PCSK6: variants seen among roughly 807,000 people sequenced by gnomAD.
PCSK6 encodes paired basic amino acid cleaving enzyme 4.
In PCSK6, 85 loss-of-function variants were observed where a neutral mutation model predicts 123.3. The ratio of observed to expected loss-of-function variants is 0.69; its 90% confidence interval spans 0.58 to 0.83. The LOEUF (loss-of-function observed/expected upper bound fraction) is 0.83, where lower values mean the gene tolerates loss of function less well. PCSK6 is among the 40% of genes least tolerant of loss of function. PCSK6 has a pLI of 0.00. For synonymous variants in PCSK6, 508 were observed against 516.0 expected, an observed-to-expected ratio of 0.98 and a Z score of 0.21; for missense variants, 1,191 against 1,282.3, an observed-to-expected ratio of 0.93 and a Z score of 1.09.
At chr15:101,473,231 C>A (rs1334415965) in intron 1 of PCSK6, among the ~76,000 whole-genome samples, 1 of 151,968 alleles carries the variant, frequency 6.6e-6, no homozygotes, top group East Asian at 1.9e-4. Flanking sequence ...CACATGCCAC[C>A]ATGACTGGCT....
intron 6 of PCSK6, among the ~76,000 whole-genome samples, chr15:101,422,910 C>A (rs1191409339): frequency 6.6e-6 from 1 of 152,166 alleles, no homozygotes; most frequent in African/African-American, 2.4e-5. Context: ...CGTGAGCCAC[C>A]GCGCCTGGCC....
intron 1 of PCSK6, among the ~76,000 whole-genome samples, chr15:101,471,097 C>T (rs1373968398): frequency 2.0e-5 from 3 of 152,120 alleles, no homozygotes; most frequent in Non-Finnish European, 4.4e-5. Flanking sequence ...AAGCTTCTCC[C>T]TGGGGCTGAA....
At chr15:101,376,014 A>C (rs528530381) in intron 11 of PCSK6, among the ~76,000 whole-genome samples, 1 of 152,264 alleles carries the variant, frequency 6.6e-6, no homozygotes, top group South Asian at 2.1e-4. Context: ...AGCCTGGGTA[A>C]CAGAGTGAGA....
intron 13 of PCSK6, among the ~76,000 whole-genome samples, chr15:101,354,403 T>C (rs2040982601): frequency 6.6e-6 from 1 of 152,242 alleles, no homozygotes; most frequent in South Asian, 2.1e-4. Flanking sequence ...AGTAACTGTC[T>C]AGAGCACCTT....
At chr15:101,373,154 C>A (rs560492925) in intron 11 of PCSK6, among the ~76,000 whole-genome samples, 1 of 152,262 alleles carries the variant, frequency 6.6e-6, no homozygotes, top group East Asian at 1.9e-4. Context: ...GGACTCCAGC[C>A]GCTGCATAAA....
At chr15:101,370,605 C>T in intron 11 of PCSK6, 82 bp from the exon 12 acceptor site, 1 of 1,280,780 alleles carries the variant, frequency 7.8e-7, no homozygotes, top group Non-Finnish European at 1.0e-6. Flanking sequence ...AGCGCCCGTC[C>T]ACTCTATCCC....
At chr15:101,336,092 G>A (rs1296952115) in intron 13 of PCSK6, among the ~76,000 whole-genome samples, 3 of 152,220 alleles carry the variant, frequency 2.0e-5, no homozygotes, top group South Asian at 4.1e-4. Flanking sequence ...TACACAAATA[G>A]TGCTCTATCC....
At chr15:101,330,468 G>A (rs924549269) in intron 15 of PCSK6, among the ~76,000 whole-genome samples, 5 of 152,114 alleles carry the variant, frequency 3.3e-5, no homozygotes, top group East Asian at 1.9e-4. Flanking sequence ...AACGTGGCTC[G>A]TCCTCCTCCT....
intron 1 of PCSK6, among the ~76,000 whole-genome samples, chr15:101,470,166 G>A (rs575451738): frequency 7.2e-5 from 11 of 152,260 alleles, no homozygotes; most frequent in South Asian, 2.1e-4. Flanking sequence ...CAAGGCAGGC[G>A]AATTATGCCT....
At chr15:101,387,039 C>T (rs2042084673) in intron 9 of PCSK6, among the ~76,000 whole-genome samples, 2 of 152,196 alleles carry the variant, frequency 1.3e-5, no homozygotes, top group African/African-American at 4.8e-5. Flanking sequence ...CTCCAGGCTC[C>T]AGCCCTGGCC....
chr15:101,305,369 T>C lies in PCSK6; in HGVS notation c.2813-14A>G. 6.2e-7 allele frequency: 1 copy of C among 1,607,764 alleles called. No individual in the cohort carries two copies. Reference sequence around the variant, plus strand: ...ATGTCTCGTCAGCTGGGGCCCCGCATCAGGAAAGGCAAAAGAGGGAAAGGT... The same window carrying C: ...ATGTCTCGTCAGCTGGGGCCCCGCACCAGGAAAGGCAAAAGAGGGAAAGGT... On this transcript the variant is annotated splice_polypyrimidine_tract_variant and intron_variant, in intron 21 of 21. Transcript: ENST00000611716. This position sits in a 1 kb window ranked among gnomAD's most constrained non-coding sequence, Gnocchi z 4.8.
chr15:101,307,006 T>C (rs374409852), intron 21 of PCSK6, among the ~76,000 whole-genome samples: 35 of 152,318 alleles, frequency 2.3e-4, no homozygotes, highest in African/African-American at 7.9e-4. Context: ...CTCTGATCGA[T>C]GTGAGAGGCC....
intron 19 of PCSK6, among the ~76,000 whole-genome samples, chr15:101,316,954 G>GGCT (rs1429070929): frequency 7.4e-6 from 1 of 135,152 alleles, no homozygotes; most frequent in Admixed American, 7.9e-5. Flanking sequence ...CTGTCGCCCA[G>GGCT]GCTGAAGTAT....
intron 2 of PCSK6, among the ~76,000 whole-genome samples, chr15:101,441,453 T>C (rs1482212696): frequency 6.6e-6 from 1 of 151,694 alleles, no homozygotes; most frequent in Non-Finnish European, 1.5e-5. Context: ...CACAGAGACC[T>C]GCTGGGCAGC....
chr15:101,489,215 G>C (rs1596195192), intron 1 of PCSK6, among the ~76,000 whole-genome samples, 159 bp downstream of exon 1: 1 of 45,590 alleles, frequency 2.2e-5, no homozygotes, highest in African/African-American at 9.4e-5. Flanking sequence ...ACCCCCCCCC[G>C]CAGGGCGCCC....
intron 4 of PCSK6, among the ~76,000 whole-genome samples, 172 bp from the exon 5 acceptor site, chr15:101,430,235 C>T (rs1465447181): frequency 1.3e-5 from 2 of 152,170 alleles, no homozygotes; most frequent in African/African-American, 2.4e-5. Context: ...ACGGGAAATA[C>T]ACGACCTTAA....
At chr15:101,374,345 C>T (rs952642617) in intron 11 of PCSK6, among the ~76,000 whole-genome samples, 4 of 152,090 alleles carry the variant, frequency 2.6e-5, no homozygotes, top group African/African-American at 4.8e-5. Flanking sequence ...TTCAAGTAAC[C>T]GAGTGCCAGG....
chr15:101,353,985 C>T (rs1012498790), intron 13 of PCSK6, among the ~76,000 whole-genome samples: 4 of 152,214 alleles, frequency 2.6e-5, no homozygotes, highest in Admixed American at 6.5e-5. Flanking sequence ...GGCACTGTTT[C>T]GTTTAATCCT....
chr15:101,444,200 T>G (rs6422008), intron 1 of PCSK6, among the ~76,000 whole-genome samples: 2 of 152,132 alleles, frequency 1.3e-5, no homozygotes, highest in Non-Finnish European at 2.9e-5. Context: ...CATCTAAACC[T>G]CCGAGGTGTC....
Sources: allele counts gnomAD v4.1 joint callset (sites outside exome capture counted in the v4.1 genomes callset), GRCh38; gene constraint gnomAD v4.1.1; non-coding constraint Gnocchi (gnomAD v3.1); transcripts MANE v1.5; gene names NCBI Gene and HGNC (gene_info 2026-07-23, HGNC 2026-07-21).